CAST: variants seen among roughly 807,000 people sequenced by gnomAD.
The protein encoded by CAST is calpastatin.
In CAST, 76 loss-of-function variants were observed where a neutral mutation model predicts 119.6. That is an observed-to-expected ratio of 0.64 (90% CI 0.53 to 0.77). The LOEUF is 0.77. Ranked by LOEUF, CAST falls within the 30% of genes least tolerant of loss-of-function variation. The pLI is 0.00. For synonymous variants in CAST, 319 were observed against 331.6 expected (o/e 0.96, Z 0.41); for missense variants, 953 against 946.5 (o/e 1.01, Z -0.09).
chr5:96,647,001 T>C (rs1400909903), intron 1 of CAST, among the ~76,000 whole-genome samples: 1 of 152,176 alleles, frequency 6.6e-6, no homozygotes, highest in Non-Finnish European at 1.5e-5. Context: ...CATCTCCCAT[T>C]TCACCATCTT....
the CAST span, among the ~76,000 whole-genome samples, chr5:96,073,490 T>A: frequency 3.9e-5 from 6 of 152,328 alleles, no homozygotes; most frequent in East Asian, 1.2e-3. Flanking sequence ...CAGGTAGATC[T>A]GTCCTCTAAA....
intron 9 of CAST, among the ~76,000 whole-genome samples, chr5:96,731,785 G>A (rs1760583653): frequency 6.6e-6 from 1 of 150,536 alleles, no homozygotes; most frequent in Admixed American, 6.6e-5. Flanking sequence ...AGTTTACTGA[G>A]AATGATGATT....
chr5:96,187,885 A>C, the CAST span, among the ~76,000 whole-genome samples: 1 of 152,232 alleles, frequency 6.6e-6, no homozygotes, highest in Non-Finnish European at 1.5e-5. Flanking sequence ...GAGCAGTCCC[A>C]TCTCTACTGA....
chr5:96,646,084 T>A (rs1168231449), intron 1 of CAST, among the ~76,000 whole-genome samples: 2 of 152,110 alleles, frequency 1.3e-5, no homozygotes, highest in African/African-American at 4.8e-5. Flanking sequence ...GGAGGTAATG[T>A]TTTTGTCGCA....
At chr5:96,658,558 T>C (rs1748196724), upstream of CAST, among the ~76,000 whole-genome samples, 2 of 152,196 alleles carry the variant, frequency 1.3e-5, no homozygotes, top group South Asian at 4.1e-4. Flanking sequence ...TGCTTCTTAC[T>C]GGGGATCCAA....
chr5:96,769,304 CTTTATT>C (rs924486094), intron 29 of CAST: 3 of 151,808 alleles, frequency 2.0e-5, no homozygotes, highest in African/African-American at 4.8e-5. Flanking sequence ...GGTGAATGGA[CTTTATT>C]TTTATACGTA....
At chr5:96,762,148 A>T in intron 24 of CAST, 126 bp from the exon 25 acceptor site, 1 of 489,294 alleles carries the variant, frequency 2.0e-6, no homozygotes, top group Non-Finnish European at 3.7e-6. Context: ...ATATGTTATT[A>T]TGAGTCTATT....
At chr5:96,264,583 C>T in the CAST span, among the ~76,000 whole-genome samples, 1 of 152,158 alleles carries the variant, frequency 6.6e-6, no homozygotes, top group African/African-American at 2.4e-5. Flanking sequence ...TCAGCAATAG[C>T]GTTCATTTGA....
At chr5:95,989,706 CT>C in the CAST span, among the ~76,000 whole-genome samples, 1 of 151,840 alleles carries the variant, frequency 6.6e-6, no homozygotes, top group African/African-American at 2.4e-5. Context: ...TTTAGAAAGA[CT>C]TTAGGAAAAA....
the CAST span, among the ~76,000 whole-genome samples, chr5:96,246,251 C>A: frequency 2.3e-5 from 3 of 129,636 alleles, no homozygotes; most frequent in East Asian, 7.3e-4. Flanking sequence ...GGCACGATCT[C>A]GGCTCACTGC....
chr5:96,361,474 G>A, the CAST span, among the ~76,000 whole-genome samples: 10 of 152,204 alleles, frequency 6.6e-5, no homozygotes, highest in Admixed American at 1.3e-4. Context: ...GGTACCCAAG[G>A]GAATCTCCTG....
the CAST span, among the ~76,000 whole-genome samples, chr5:96,277,594 G>A: frequency 1.3e-5 from 2 of 152,084 alleles, no homozygotes; most frequent in Non-Finnish European, 2.9e-5. Flanking sequence ...AAAAACCAAA[G>A]GTAGTGGGTG....
chr5:96,174,522 T>C, the CAST span, among the ~76,000 whole-genome samples: 1 of 152,214 alleles, frequency 6.6e-6, no homozygotes, highest in East Asian at 1.9e-4. Context: ...CTACCACTAG[T>C]TGGATGATAA....
chr5:96,005,979 T>A, the CAST span, among the ~76,000 whole-genome samples: 4 of 152,200 alleles, frequency 2.6e-5, no homozygotes, highest in Non-Finnish European at 5.9e-5. Context: ...TGTTTATAAA[T>A]ATTGTCTATA....
At chr5:96,469,879 AATATATAT>A in the CAST span, among the ~76,000 whole-genome samples, 4 of 107,420 alleles carry the variant, frequency 3.7e-5, no homozygotes, top group African/African-American at 9.0e-5. Flanking sequence ...ATATATATAT[AATATATAT>A]ATACACACAC....
the CAST span, among the ~76,000 whole-genome samples, chr5:96,012,625 A>C: frequency 1.3e-5 from 2 of 152,164 alleles, no homozygotes; most frequent in African/African-American, 4.8e-5. Flanking sequence ...AGTTTAGAAA[A>C]GTTACACCTA....
chr5:96,692,412 A>G (rs1340096458), intron 2 of CAST, among the ~76,000 whole-genome samples: 1 of 152,176 alleles, frequency 6.6e-6, no homozygotes, highest in Non-Finnish European at 1.5e-5. Context: ...TGATGATCCC[A>G]AACTCATGTG....
At chr5:96,375,936 T>A in the CAST span, among the ~76,000 whole-genome samples, 3 of 147,722 alleles carry the variant, frequency 2.0e-5, no homozygotes, top group South Asian at 4.2e-4. Flanking sequence ...TAAATATATA[T>A]AAATATAAAT....
chr5:96,179,064 T>G, the CAST span, among the ~76,000 whole-genome samples: 1 of 152,042 alleles, frequency 6.6e-6, no homozygotes, highest in African/African-American at 2.4e-5. Context: ...CTCTCTCAAG[T>G]TCTCAAATTT....
Sources: gnomAD v4.1 joint callset for allele counts (sites outside exome capture counted in the v4.1 genomes callset) on GRCh38, gnomAD v4.1.1 for gene constraint, MANE v1.5 for transcripts, NCBI Gene and HGNC (gene_info 2026-07-23, HGNC 2026-07-21) for gene names.